Variants in LARGE1 observed in about 807,000 individuals in gnomAD.
The protein encoded by LARGE1 is xylosyl- and glucuronyltransferase LARGE1.
In LARGE1, 43 loss-of-function variants were observed where a neutral mutation model predicts 87.6. That is an observed-to-expected ratio of 0.49 (90% confidence interval 0.38 to 0.63). The LOEUF is 0.63. Among genes scored for constraint, LARGE1 ranks in the 30% least tolerant of loss-of-function variants. The pLI, the probability that LARGE1 is intolerant of heterozygous loss-of-function variation, is 0.00. For missense variants in LARGE1, 802 were observed against 1,000.2 expected (o/e 0.80, Z 2.67); for synonymous variants, 434 against 394.6 (o/e 1.10, Z -1.18).
At chr22:33,754,062 A>T (rs918938086) in intron 2 of LARGE1, among the ~76,000 whole-genome samples, 5 of 151,996 alleles carry the variant, frequency 3.3e-5, no homozygotes, top group South Asian at 2.1e-4. Context: ...ACTCCATCTT[A>T]AAAAAAAGTA....
rs76589798 is a variant in LARGE1, at chr22:33,453,733, C to T, written c.788-21468G>A. On this transcript the variant is annotated intron_variant, in intron 6 of 14. Coordinates refer to ENST00000397394, the MANE Select transcript of LARGE1 (RefSeq NM_133642.5). ...GGTTCTCGCTAAACTCACCTAGGAA[C>T]GGACTTTGTTCCAACCTCCAGTTTC... is the stretch of plus-strand genomic sequence containing the variant. Among the ~76,000 whole-genome samples the T allele has an allele frequency of 3.5e-3, 532 of 152,236 alleles. 3 individuals are homozygous for T. The highest frequency in any genetic ancestry group is 0.012 in the African/African-American group (498 of 41,544).
intron 1 of LARGE1, among the ~76,000 whole-genome samples, chr22:33,915,636 G>A (rs1311695217): frequency 6.6e-6 from 1 of 152,044 alleles, no homozygotes; most frequent in Non-Finnish European, 1.5e-5. Context: ...ACGGACAAAA[G>A]AAAAAATTTT....
intron 6 of LARGE1, among the ~76,000 whole-genome samples, chr22:33,437,421 G>C (rs2067309741): frequency 6.6e-6 from 1 of 152,122 alleles, no homozygotes; most frequent in Non-Finnish European, 1.5e-5. Context: ...CTCTGTGCTT[G>C]CTTCTTCATT....
intron 1 of LARGE1, among the ~76,000 whole-genome samples, chr22:33,853,004 C>A (rs2063654547): frequency 6.6e-6 from 1 of 152,000 alleles, no homozygotes; most frequent in South Asian, 2.1e-4. Context: ...GGCAAGCCCT[C>A]CGCCATATGA....
chr22:33,069,977 A>G, the LARGE1 span, among the ~76,000 whole-genome samples: 1 of 152,268 alleles, frequency 6.6e-6, no homozygotes, highest in East Asian at 1.9e-4. Context: ...GGCATGCGCC[A>G]TCGCACACCG....
intron 1 of LARGE1, among the ~76,000 whole-genome samples, chr22:33,895,431 T>C (rs1336282515): frequency 6.6e-6 from 1 of 152,166 alleles, no homozygotes; most frequent in Non-Finnish European, 1.5e-5. Flanking sequence ...ATTTCACAGT[T>C]CCTATAGCTC....
At chr22:33,336,996 G>A (rs1467745901) in intron 10 of LARGE1, among the ~76,000 whole-genome samples, 2 of 151,622 alleles carry the variant, frequency 1.3e-5, no homozygotes, top group African/African-American at 2.4e-5. Flanking sequence ...GGGAGGCAGA[G>A]GTTGCAGTGA....
At chr22:33,692,914 A>C (rs1465299061) in intron 2 of LARGE1, among the ~76,000 whole-genome samples, 1 of 152,220 alleles carries the variant, frequency 6.6e-6, no homozygotes, top group Non-Finnish European at 1.5e-5. Context: ...CCAAAAGAAT[A>C]GACATCATTC....
At chr22:33,329,752 C>T (rs1937523555) in intron 10 of LARGE1, among the ~76,000 whole-genome samples, 1 of 152,046 alleles carries the variant, frequency 6.6e-6, no homozygotes, top group Non-Finnish European at 1.5e-5. Context: ...GTTTCCTGTC[C>T]AAATTGGTTA....
chr22:33,875,921 T>G (rs2064450993), intron 1 of LARGE1, among the ~76,000 whole-genome samples: 1 of 152,188 alleles, frequency 6.6e-6, no homozygotes. Context: ...GCATCTGGGC[T>G]CTGGGATGCA....
chr22:33,818,797 T>A (rs2086733162), intron 1 of LARGE1, among the ~76,000 whole-genome samples: 1 of 152,132 alleles, frequency 6.6e-6, no homozygotes, highest in South Asian at 2.1e-4. Flanking sequence ...GGGAGCCCAG[T>A]GGCTTTTTCG....
At chr22:33,541,516 G>A (rs1274532631) in intron 6 of LARGE1, among the ~76,000 whole-genome samples, 3 of 152,030 alleles carry the variant, frequency 2.0e-5, no homozygotes, top group Non-Finnish European at 4.4e-5. Context: ...GTGCTGATAC[G>A]GACATGCATT....
chr22:33,892,301 G>A (rs909037618), intron 1 of LARGE1, among the ~76,000 whole-genome samples: 7 of 152,250 alleles, frequency 4.6e-5, no homozygotes, highest in South Asian at 2.1e-4. Flanking sequence ...AATTGGCTGC[G>A]TGGCTCTGCT....
intron 12 of LARGE1, among the ~76,000 whole-genome samples, chr22:33,287,931 T>A (rs1229493636): frequency 6.6e-6 from 1 of 152,244 alleles, no homozygotes; most frequent in Non-Finnish European, 1.5e-5. Flanking sequence ...TCTACTAGGC[T>A]GTCTTCTTGG....
chr22:33,759,710 A>G (rs1043584785), intron 2 of LARGE1, among the ~76,000 whole-genome samples: 17 of 152,164 alleles, frequency 1.1e-4, no homozygotes, highest in African/African-American at 3.9e-4. Context: ...TATTAAACCT[A>G]TACTAGCACG....
intron 7 of LARGE1, among the ~76,000 whole-genome samples, chr22:33,409,533 C>A (rs2066229960): frequency 6.6e-6 from 1 of 152,116 alleles, no homozygotes; most frequent in Non-Finnish European, 1.5e-5. Flanking sequence ...GGCTAGGATT[C>A]TTTTACCCAC....
At chr22:33,197,111 T>C (rs1317692284) in intron 11 of LARGE1, among the ~76,000 whole-genome samples, 1 of 152,000 alleles carries the variant, frequency 6.6e-6, no homozygotes, top group African/African-American at 2.4e-5. Flanking sequence ...TACACTTTCA[T>C]GGAAACAAAA....
At chr22:33,172,437 G>C (rs1922624785) in intron 11 of LARGE1, among the ~76,000 whole-genome samples, 1 of 111,670 alleles carries the variant, frequency 9.0e-6, no homozygotes, top group Non-Finnish European at 1.8e-5. Context: ...AAAAGTGAAA[G>C]TTTCCCCTGC....
chr22:33,222,476 TC>T (rs1925503902), intron 11 of LARGE1, among the ~76,000 whole-genome samples: 1 of 152,234 alleles, frequency 6.6e-6, no homozygotes, highest in Non-Finnish European at 1.5e-5. Flanking sequence ...AATGTGACCT[TC>T]TTTGGAGAAA....
Sources: gnomAD v4.1 joint callset for allele counts (sites outside exome capture counted in the v4.1 genomes callset) on GRCh38, gnomAD v4.1.1 for gene constraint, MANE v1.5 for transcripts, NCBI Gene and HGNC (gene_info 2026-07-23, HGNC 2026-07-21) for gene names.